GMDS: variants seen among roughly 807,000 people sequenced by gnomAD.
GMDS encodes the protein GDP-mannose 4,6 dehydratase.
Under a neutral mutation model 49.9 loss-of-function variants are expected in GMDS, and 20 were observed. The ratio of observed to expected loss-of-function variants is 0.40; its 90% CI spans 0.28 to 0.58. The LOEUF (loss-of-function observed/expected upper bound fraction) is 0.58, where lower values mean the gene tolerates loss of function less well. GMDS is among the 20% of genes least tolerant of loss of function. The pLI is 0.42. For synonymous variants in GMDS, 177 were observed against 178.6 expected, an observed-to-expected ratio of 0.99 and a Z score of 0.07; for missense variants, 362 against 481.4, an observed-to-expected ratio of 0.75 and a Z score of 2.32.
chr6:1,787,408 A>T (rs1035272301), intron 7 of GMDS, among the ~76,000 whole-genome samples: 6 of 152,220 alleles, frequency 3.9e-5, no homozygotes, highest in Non-Finnish European at 5.9e-5. Context: ...CCATGTGATA[A>T]GTCCATCTCA....
chr6:1,698,124 C>T (rs945849047), intron 9 of GMDS, among the ~76,000 whole-genome samples: 7 of 152,240 alleles, frequency 4.6e-5, no homozygotes, highest in African/African-American at 1.7e-4. Context: ...CACTTCCTCT[C>T]CTCAGCTGGC....
chr6:1,837,913 G>C (rs185869880), intron 7 of GMDS, among the ~76,000 whole-genome samples: 2 of 152,280 alleles, frequency 1.3e-5, no homozygotes, highest in Admixed American at 1.3e-4. Context: ...GGGGGACACT[G>C]CTCAGGCCGC....
At chr6:1,697,956 A>G (rs1765400724) in intron 9 of GMDS, among the ~76,000 whole-genome samples, 1 of 152,238 alleles carries the variant, frequency 6.6e-6, no homozygotes, top group African/African-American at 2.4e-5. Context: ...AGGTTAAAGT[A>G]TCTCCGTAAA....
intron 1 of GMDS, among the ~76,000 whole-genome samples, chr6:2,205,811 TA>T (rs1779782091): frequency 6.6e-6 from 1 of 152,106 alleles, no homozygotes; most frequent in African/African-American, 2.4e-5. Context: ...CTTTTGTGTG[TA>T]AGTGTGACAG....
intron 9 of GMDS, among the ~76,000 whole-genome samples, chr6:1,645,458 TGTGCACGGCATGCTCGAGTGCCCGGG>T (rs1763457790): frequency 6.6e-6 from 1 of 152,232 alleles, no homozygotes; most frequent in Non-Finnish European, 1.5e-5. Flanking sequence ...CATGATGGCA[TGTGCACGGCATGCTCGAGTGCCCGGG>T]GACGCTCACC....
rs137992269 is a variant in GMDS at position 1,809,851 on chromosome 6, C to T, written c.772-67265G>A. On this transcript the variant is annotated intron_variant, in intron 7 of 10. Transcript: ENST00000380815. The stretch of plus-strand genomic sequence containing the variant: ...CCACGCATGGAATATTTACGGTAAC[C>T]GGAGGGTGATACGTTACAATACAAC... Among the ~76,000 whole-genome samples, 500 of 151,958 alleles carry T rather than the reference C, an allele frequency of 3.3e-3. 3 individuals are homozygous for T. The highest frequency in any genetic ancestry group is 0.011 in the African/African-American group (472 of 41,416).
chr6:1,747,926 T>TA (rs1177330533), intron 7 of GMDS, among the ~76,000 whole-genome samples: 1 of 152,046 alleles, frequency 6.6e-6, no homozygotes, highest in East Asian at 1.9e-4. Flanking sequence ...GTTTTAAAGA[T>TA]ACGACGTTAC....
intron 8 of GMDS, 65 bp downstream of exon 8, chr6:1,742,403 C>T (rs900567198): frequency 1.1e-5 from 10 of 876,578 alleles, no homozygotes; most frequent in Admixed American, 1.8e-5. Context: ...AGAACCGAGG[C>T]TTCAGCAAGC....
intron 7 of GMDS, among the ~76,000 whole-genome samples, chr6:1,913,217 T>C (rs1194277351): frequency 6.6e-6 from 1 of 151,152 alleles, no homozygotes; most frequent in Non-Finnish European, 1.5e-5. Context: ...CCGTCTCTAC[T>C]AAAAATACAA....
chr6:1,754,094 G>A (rs890178429), intron 7 of GMDS, among the ~76,000 whole-genome samples: 2 of 152,060 alleles, frequency 1.3e-5, no homozygotes, highest in African/African-American at 2.4e-5. Context: ...ATGAATACAG[G>A]AGCTGGTTTT....
intron 7 of GMDS, among the ~76,000 whole-genome samples, chr6:1,925,490 C>T (rs914906595): frequency 4.6e-5 from 7 of 152,154 alleles, no homozygotes; most frequent in African/African-American, 1.7e-4. Context: ...GGTTTATATT[C>T]TGTCCTTTAC....
At chr6:2,080,669 G>A (rs566080520) in intron 4 of GMDS, among the ~76,000 whole-genome samples, 11 of 152,126 alleles carry the variant, frequency 7.2e-5, no homozygotes, top group Non-Finnish European at 1.5e-4. Flanking sequence ...GCCTGGGGTG[G>A]CAGGTAAGTC....
intron 7 of GMDS, among the ~76,000 whole-genome samples, chr6:1,822,118 T>G (rs1770927661): frequency 6.6e-6 from 1 of 152,208 alleles, no homozygotes; most frequent in Admixed American, 6.5e-5. Context: ...ACAACTGACT[T>G]CTTGTTCACT....
intron 4 of GMDS, among the ~76,000 whole-genome samples, chr6:2,070,177 A>C (rs1759299): frequency 0.62 from 92,060 of 149,342 alleles, 28,662 homozygotes; most frequent in African/African-American, 0.71. Flanking sequence ...AACAAAAAAC[A>C]AAACACCACA....
chr6:1,822,763 A>G (rs967173651), intron 7 of GMDS, among the ~76,000 whole-genome samples: 1 of 152,212 alleles, frequency 6.6e-6, no homozygotes, highest in Non-Finnish European at 1.5e-5. Flanking sequence ...TCAGGTTACA[A>G]TAATATAGAA....
chr6:2,201,383 T>C (rs1485636324), intron 1 of GMDS, among the ~76,000 whole-genome samples: 24 of 72,700 alleles, frequency 3.3e-4, no homozygotes, highest in Middle Eastern at 0.012. Context: ...CATGCACATC[T>C]GAGATGAAAC....
intron 7 of GMDS, among the ~76,000 whole-genome samples, chr6:1,904,958 G>T (rs536869046): frequency 1.3e-5 from 2 of 152,286 alleles, no homozygotes; most frequent in South Asian, 4.1e-4. Context: ...AAAATGTGTT[G>T]CAAAACAAAG....
At chr6:1,794,381 T>A (rs1235698484) in intron 7 of GMDS, among the ~76,000 whole-genome samples, 1 of 152,068 alleles carries the variant, frequency 6.6e-6, no homozygotes, top group Non-Finnish European at 1.5e-5. Flanking sequence ...ACAAAACATT[T>A]AAATAAACAA....
At chr6:1,897,838 T>C (rs1173454079) in intron 7 of GMDS, among the ~76,000 whole-genome samples, 2 of 152,224 alleles carry the variant, frequency 1.3e-5, no homozygotes, top group Admixed American at 1.3e-4. Flanking sequence ...TGCTGAATGA[T>C]CCCTAGACAG....
Sources: gnomAD v4.1 joint callset for allele counts (sites outside exome capture counted in the v4.1 genomes callset) on GRCh38, gnomAD v4.1.1 for gene constraint, MANE v1.5 for transcripts, NCBI Gene and HGNC (gene_info 2026-07-23, HGNC 2026-07-21) for gene names.